SOX6: variants seen among roughly 807,000 people sequenced by gnomAD.
The protein encoded by SOX6 is transcription factor SOX-6.
In SOX6, 11 loss-of-function variants were observed where a neutral mutation model predicts 97.8. The observed-to-expected ratio is 0.11, with a 90% confidence interval of 0.07 to 0.19. The LOEUF (loss-of-function observed/expected upper bound fraction) is 0.19. Ranked by LOEUF, SOX6 falls within the 10% of genes least tolerant of loss-of-function variation. The probability of loss-of-function intolerance (pLI) is 1.00; values close to 1 mark genes in which losing one functional copy is unlikely to be tolerated. For synonymous variants in SOX6, 360 were observed against 371.4 expected (o/e 0.97, Z 0.35); for missense variants, 810 against 1,039.5 (o/e 0.78, Z 3.04).
At chr11:16,093,987 A>C (rs1590192090) in intron 9 of SOX6, among the ~76,000 whole-genome samples, 1 of 151,934 alleles carries the variant, frequency 6.6e-6, no homozygotes, top group African/African-American at 2.4e-5. Flanking sequence ...ACCAGAGTCC[A>C]CATGAGCAAA....
At chr11:16,511,243 T>C (rs2133151461) in intron 4 of SOX6, among the ~76,000 whole-genome samples, 1 of 152,298 alleles carries the variant, frequency 6.6e-6, no homozygotes, top group Non-Finnish European at 1.5e-5. Context: ...GGATGTATTC[T>C]ATAGATGAGG....
chr11:16,622,737 A>G (rs1487015591), intron 3 of SOX6, among the ~76,000 whole-genome samples: 1 of 152,160 alleles, frequency 6.6e-6, no homozygotes, highest in Non-Finnish European at 1.5e-5. Flanking sequence ...TGCATGTGCA[A>G]GTCTCTTTTT....
rs370759584 is a variant in SOX6, at chr11:16,606,285, G to C, written n.609+5796C>G. Among the ~76,000 whole-genome samples the C allele has an allele frequency of 4.0e-5, 6 of 150,596 alleles. No homozygotes were observed. The East Asian group carries it at 1.2e-3, about 29-fold the overall frequency. ...TTTTAGTATCGCGAAATAAGAGGTG[G>C]TATCAGTTTTTTAAAAGTTTCAGTG... On this transcript the variant is annotated intron_variant and non_coding_transcript_variant, in intron 4 of 5. Coordinates refer to the SOX6 transcript ENST00000524520.
At chr11:16,556,272 A>G (rs1335846969) in intron 4 of SOX6, among the ~76,000 whole-genome samples, 1 of 151,720 alleles carries the variant, frequency 6.6e-6, no homozygotes, top group Non-Finnish European at 1.5e-5. Flanking sequence ...ATCCCCAAAC[A>G]AACAACACTC....
chr11:16,141,111 C>CAA (rs763775070), intron 6 of SOX6, among the ~76,000 whole-genome samples: 2 of 128,034 alleles, frequency 1.6e-5, no homozygotes, highest in Non-Finnish European at 3.4e-5. Flanking sequence ...GACTTCACCT[C>CAA]AAAAAAAAAA....
In SOX6 at chr11:16,675,679, G is replaced by A. The variant is rs941759058; in HGVS notation, n.429+39151C>T. 2.0e-5 allele frequency among the ~76,000 whole-genome samples: 3 copies of A among 152,108 alleles called. No individual in the cohort carries two copies. In the East Asian group the frequency reaches 5.8e-4, roughly 29 times the overall value. On this transcript the variant is annotated intron_variant and non_coding_transcript_variant, in intron 3 of 5. Transcript: ENST00000524520. ...ACTCAGTTTTTGTCAGTCTAAGAAT[G>A]TCTTAAATTCTCCTTCATATTGGAA...
intron 2 of SOX6, among the ~76,000 whole-genome samples, chr11:16,323,208 A>G (rs1227926529): frequency 6.6e-6 from 1 of 152,188 alleles, no homozygotes; most frequent in Non-Finnish European, 1.5e-5. Flanking sequence ...TAAACACAAT[A>G]TGTAAAATAT....
At chr11:16,013,955 A>G (rs529239456) in intron 13 of SOX6, among the ~76,000 whole-genome samples, 1 of 151,966 alleles carries the variant, frequency 6.6e-6, no homozygotes, top group South Asian at 2.1e-4. Flanking sequence ...AGTTAAAGGG[A>G]TACTAGTGAG....
At chr11:16,627,226 A>G (rs1848635103) in intron 3 of SOX6, among the ~76,000 whole-genome samples, 1 of 152,152 alleles carries the variant, frequency 6.6e-6, no homozygotes, top group South Asian at 2.1e-4. Context: ...TCCACCGTTG[A>G]TGGGCACCTA....
chr11:16,737,491 C>T (rs999758376), intron 1 of SOX6, among the ~76,000 whole-genome samples: 1 of 151,462 alleles, frequency 6.6e-6, no homozygotes, highest in African/African-American at 2.4e-5. Flanking sequence ...CAGGCCTGAG[C>T]CATGGCGCCA....
At chr11:16,157,218 C>T (rs972366298) in intron 6 of SOX6, among the ~76,000 whole-genome samples, 3 of 151,916 alleles carry the variant, frequency 2.0e-5, no homozygotes, top group Non-Finnish European at 2.9e-5. Flanking sequence ...CCTCCTTAGC[C>T]GAGATTCTGT....
chr11:16,568,974 T>C (rs1847907097), intron 4 of SOX6, among the ~76,000 whole-genome samples: 1 of 152,184 alleles, frequency 6.6e-6, no homozygotes, highest in African/African-American at 2.4e-5. Flanking sequence ...ACAATGTCTA[T>C]GCTAAATAAA....
At chr11:16,405,212 G>C (rs1295462353) in intron 1 of SOX6, among the ~76,000 whole-genome samples, 1 of 151,900 alleles carries the variant, frequency 6.6e-6, no homozygotes, top group Non-Finnish European at 1.5e-5. Flanking sequence ...CCCCAATAAA[G>C]CCAGTTATTA....
At chr11:16,271,566 T>A (rs1595374) in intron 3 of SOX6, among the ~76,000 whole-genome samples, 118,171 of 151,110 alleles carry the variant, frequency 0.78, 46,352 homozygotes, top group Non-Finnish European at 0.8. Context: ...AGGCTTTCTA[T>A]CTTTAACAGA....
intron 1 of SOX6, among the ~76,000 whole-genome samples, chr11:16,427,948 A>G (rs1464603932): frequency 6.6e-6 from 1 of 151,490 alleles, no homozygotes; most frequent in African/African-American, 2.4e-5. Context: ...TCCCACCAAC[A>G]GTGTAAAAGT....
At chr11:16,534,759 C>A (rs755247417) in intron 4 of SOX6, among the ~76,000 whole-genome samples, 10 of 152,108 alleles carry the variant, frequency 6.6e-5, no homozygotes, top group South Asian at 2.1e-4. Context: ...AGGGACTTCA[C>A]TGATGTCTGC....
At chr11:16,333,089 C>T (rs1205033265) in intron 2 of SOX6, among the ~76,000 whole-genome samples, 1 of 152,092 alleles carries the variant, frequency 6.6e-6, no homozygotes, top group Non-Finnish European at 1.5e-5. Context: ...ACAAATGATG[C>T]AAGTAGGATT....
intron 4 of SOX6, among the ~76,000 whole-genome samples, chr11:16,583,624 T>TATATAC (rs1565186444): frequency 1.4e-5 from 2 of 138,842 alleles, no homozygotes; most frequent in Non-Finnish European, 3.2e-5. Flanking sequence ...CATATATATA[T>TATATAC]ATATATATAT....
At chr11:16,014,094 T>C (rs1025486964) in intron 13 of SOX6, among the ~76,000 whole-genome samples, 9 of 152,024 alleles carry the variant, frequency 5.9e-5, no homozygotes, top group Admixed American at 5.2e-4. Flanking sequence ...GAACAGCTAA[T>C]GGGAAAACCA....
Sources: allele counts gnomAD v4.1 joint callset (sites outside exome capture counted in the v4.1 genomes callset), GRCh38; gene constraint gnomAD v4.1.1; transcripts MANE v1.5; gene names NCBI Gene and HGNC (gene_info 2026-07-23, HGNC 2026-07-21).